Variants in F2RL2 observed in about 807,000 individuals in gnomAD.
F2RL2 encodes proteinase-activated receptor 3.
F2RL2 carries 4 observed loss-of-function variants against 4.3 expected under a neutral mutation model. The ratio of observed to expected loss-of-function variants is 0.93; its 90% CI spans 0.46 to 2.12. The LOEUF is 2.12. F2RL2 is among the 30% of genes most tolerant of loss of function. F2RL2 has a pLI of 0.02. For synonymous variants in F2RL2, 166 were observed against 170.9 expected, an observed-to-expected ratio of 0.97 and a Z score of 0.22; for missense variants, 408 against 449.3, an observed-to-expected ratio of 0.91 and a Z score of 0.83.
chr5:76,620,255 T>G (rs757294587), intron 1 of F2RL2, among the ~76,000 whole-genome samples: 10 of 152,118 alleles, frequency 6.6e-5, no homozygotes, highest in Non-Finnish European at 1.0e-4. Context: ...GGGACCTGAT[T>G]TGGAGGCTAC....
In F2RL2 at chr5:76,617,432, A is replaced by G. The variant is rs1308416175; in HGVS notation, c.*150T>C. 4 of 639,008 alleles carry G rather than the reference A, an allele frequency of 6.3e-6. No individual in the cohort carries two copies. The African/African-American group carries it at 7.3e-5, about 12-fold the overall frequency. 39.6% of individuals were successfully genotyped at this position (639,008 alleles called of 1,614,324 possible). On this transcript the variant is annotated 3_prime_UTR_variant, in exon 2 of 2. Transcript: ENST00000296641. The stretch of plus-strand genomic sequence containing the variant: ...AAGTGAGACTCAGTCTCAAAAACAA[A>G]CAAACAAACTACTAATGCTTTTGTA...
At position 76,618,386 on chromosome 5, in the gene F2RL2, A is replaced by G; in HGVS notation, c.321T>C (p.Val107=). 4 of 1,614,228 alleles carry G rather than the reference A, an allele frequency of 2.5e-6. No individual in the cohort carries two copies. Among genetic ancestry groups the G allele is most frequent in the Non-Finnish European group, 3.4e-6 (4 of 1,180,032 alleles). ...GGGTCACAGCATTGGCCGGGACACC[A>G]ACTACAAACACCAGGAGGTAGATGG... ...IPAIYLLVFV[V]GVPANAVTLW... Residue 107 remains valine (V), a synonymous_variant, in exon 2 of 2, where the codon GTT becomes GTC. Transcript: ENST00000296641.
In F2RL2 at chr5:76,618,505, T is replaced by G; in HGVS notation, c.202A>C (p.Ile68Leu). Residue 68 changes from isoleucine to leucine, a missense_variant, in exon 2 of 2, where the codon ATT (isoleucine) becomes CTT (leucine). By Grantham distance (5) the Ile-to-Leu change is conservative. Transcript: ENST00000296641. ...GAAGCACTTTCTTCAGGGCACTTAATTTTTACAGTAATCGTGGCTCCTGTC... is the reference window on the plus strand; with the variant it reads ...GAAGCACTTTCTTCAGGGCACTTAAGTTTTACAGTAATCGTGGCTCCTGTC... ...GWTGATITVK[I>L]KCPEESASHL... The G allele has an allele frequency of 6.2e-7, 1 of 1,614,180 alleles. No individual in the cohort carries two copies. Among genetic ancestry groups the G allele is most frequent in the Non-Finnish European group, 8.5e-7 (1 of 1,180,018 alleles).
rs1390360948 is a variant in F2RL2 at position 76,618,535 on chromosome 5, C to T, written c.172G>A (p.Gly58Ser). ...FEEFPFSALE[G>S]WTGATITVKI... ...ACAGTAATCGTGGCTCCTGTCCAGC[C>T]TTCCAAGGCAGAAAAGGGGAACTCT... Residue 58 changes from glycine to serine, a missense_variant, in exon 2 of 2, where the codon GGC (glycine) becomes AGC (serine). Coordinates refer to ENST00000296641, the MANE Select transcript of F2RL2 (RefSeq NM_004101.4). 4 of 1,614,040 alleles carry T rather than the reference C, an allele frequency of 2.5e-6. No homozygotes were observed. Among genetic ancestry groups the T allele is most frequent in the East Asian group, 2.2e-5 (1 of 44,890 alleles).
At chr5:76,619,642 C>T (rs992820227) in intron 1 of F2RL2, among the ~76,000 whole-genome samples, 2 of 151,564 alleles carry the variant, frequency 1.3e-5, no homozygotes, top group Admixed American at 6.6e-5. Context: ...TCAGCCTCCC[C>T]AGTAGCTGGG....
chr5:76,620,771 A>G (rs1003432917), intron 1 of F2RL2, among the ~76,000 whole-genome samples: 1 of 152,188 alleles, frequency 6.6e-6, no homozygotes. Context: ...ACAAAGGAGG[A>G]AAAATCGGAA....
At chr5:76,620,215 A>G (rs777756062) in intron 1 of F2RL2, among the ~76,000 whole-genome samples, 4 of 152,316 alleles carry the variant, frequency 2.6e-5, no homozygotes, top group Admixed American at 6.5e-5. Context: ...TGTAGAGAAC[A>G]GATTGGAAAG....
intron 1 of F2RL2, among the ~76,000 whole-genome samples, chr5:76,620,584 A>G (rs1749553483): frequency 6.6e-6 from 1 of 152,174 alleles, no homozygotes; most frequent in Admixed American, 6.5e-5. Context: ...TGGTTAGAAG[A>G]CTGGATGTGG....
chr5:76,622,583 T>G (rs1749808029), intron 1 of F2RL2, among the ~76,000 whole-genome samples: 1 of 152,170 alleles, frequency 6.6e-6, no homozygotes, highest in Non-Finnish European at 1.5e-5. Flanking sequence ...ATGGGTAAAG[T>G]GGAAAGTACA....
rs1208558937 is a variant in F2RL2 at position 76,618,660 on chromosome 5, T to C, written c.65-18A>G. ...TTCCATGCCTGTAATTGAAAGAAAG[T>C]ATTAACATAAATGTATAGTTCAAGA... On this transcript the variant is annotated intron_variant, in intron 1 of 1. Coordinates refer to ENST00000296641, the MANE Select transcript of F2RL2 (RefSeq NM_004101.4). 1 of 1,576,422 alleles carries C rather than the reference T, an allele frequency of 6.3e-7. No homozygotes were observed. The highest frequency in any genetic ancestry group is 8.7e-7 in the Non-Finnish European group (1 of 1,150,216).
At position 76,618,248 on chromosome 5, in the gene F2RL2, A is replaced by T. The variant is rs914148101; in HGVS notation, c.459T>A (p.His153Gln). The T allele has an allele frequency of 2.5e-6, 4 of 1,614,044 alleles. No homozygotes were observed. The highest frequency in any genetic ancestry group is 2.7e-5 in the African/African-American group (2 of 74,920). The change falls in exon 2 of 2, where the codon CAT becomes CAA. Residue 153 changes from histidine (H) to glutamine (Q), a missense_variant. His to Gln is a conservative substitution (Grantham distance 24, BLOSUM62 0). Transcript: ENST00000296641. ...CVTLPFKIAYHLNGNNWVFGE... is the reference protein window; with the variant it reads ...CVTLPFKIAYQLNGNNWVFGE... Reference sequence around the variant, plus strand: ...CAAATACCCAGTTGTTCCCATTGAGATGATAAGCTATCTTAAAGGGCAATG... The same window carrying T: ...CAAATACCCAGTTGTTCCCATTGAGTTGATAAGCTATCTTAAAGGGCAATG...
At chr5:76,619,136 G>C (rs1749333422) in intron 1 of F2RL2, among the ~76,000 whole-genome samples, 1 of 152,160 alleles carries the variant, frequency 6.6e-6, no homozygotes, top group Admixed American at 6.5e-5. Context: ...AGTTGATTTA[G>C]CAAATTTTTA....
At chr5:76,622,651 A>G (rs1235772535) in intron 1 of F2RL2, among the ~76,000 whole-genome samples, 2 of 152,210 alleles carry the variant, frequency 1.3e-5, no homozygotes, top group African/African-American at 2.4e-5. Context: ...AAAATCATAT[A>G]TGAGGGTAGG....
chr5:76,619,880 A>C (rs2069670), intron 1 of F2RL2, among the ~76,000 whole-genome samples: 36 of 152,260 alleles, frequency 2.4e-4, no homozygotes, highest in African/African-American at 8.4e-4. Context: ...TAATCATAAC[A>C]GTCCATATAA....
chr5:76,617,449 G>T lies in F2RL2; in HGVS notation c.*133C>A. On this transcript the variant is annotated 3_prime_UTR_variant, in exon 2 of 2. Transcript: ENST00000296641. The stretch of plus-strand genomic sequence containing the variant: ...AAAAACAAACAAACAAACTACTAAT[G>T]CTTTTGTAATGTTTGACCTTTGAAG... 1.5e-6 allele frequency: 1 copy of T among 672,988 alleles called. No individual in the cohort carries two copies. The allele number at this position is 672,988 out of a possible 1,614,324, so 41.7% of individuals were successfully genotyped here. A position where few individuals can be genotyped will look rare whatever the true frequency, so the allele number is the denominator to read the frequency against.
rs573925844 is a variant in F2RL2, at chr5:76,617,104, T to C, written c.*478A>G. 6.4e-6 allele frequency: 1 copy of C among 155,162 alleles called. No homozygotes were observed. The highest frequency in any genetic ancestry group is 1.9e-4 in the East Asian group (1 of 5,246). The allele number at this position is 155,162 out of a possible 1,614,324, so 9.6% of individuals were successfully genotyped here. Reference sequence around the variant, plus strand: ...TCATTTTCCATAGAGTTGTGATATCTTTTCTCCTGCATTAACATTTTTAAA... The same window carrying C: ...TCATTTTCCATAGAGTTGTGATATCCTTTCTCCTGCATTAACATTTTTAAA... On this transcript the variant is annotated 3_prime_UTR_variant, in exon 2 of 2. Coordinates refer to ENST00000296641, the MANE Select transcript of F2RL2 (RefSeq NM_004101.4).
rs113625367 is a variant in F2RL2 at position 76,617,818 on chromosome 5, A to G, written c.889T>C (p.Leu297=). ...AGGAGACTCGCCTTAACATACCACA[A>G]CCATCTATGATCGTATGCATTAAGT... ...RTLNAYDHRW[L]WYVKASLLIL... is the part of the protein sequence containing the mutation. Residue 297 remains leucine (L), a synonymous_variant, in exon 2 of 2, where the codon TTG becomes CTG. Coordinates refer to ENST00000296641, the MANE Select transcript of F2RL2 (RefSeq NM_004101.4). 33 of 1,613,926 alleles carry G rather than the reference A, an allele frequency of 2.0e-5. No individual in the cohort carries two copies. The highest frequency in any genetic ancestry group is 5.5e-5 in the South Asian group (5 of 91,072).
intron 1 of F2RL2, among the ~76,000 whole-genome samples, chr5:76,621,648 A>G (rs1749684703): frequency 6.6e-6 from 1 of 152,216 alleles, no homozygotes; most frequent in Non-Finnish European, 1.5e-5. Context: ...CAGACATGCC[A>G]AACAGTGCCT....
intron 1 of F2RL2, among the ~76,000 whole-genome samples, chr5:76,620,739 A>C (rs768275694): frequency 2.0e-5 from 3 of 152,190 alleles, no homozygotes; most frequent in Admixed American, 6.5e-5. Context: ...AGGGGTAATG[A>C]CAGATTTTAA....
Sources: allele counts gnomAD v4.1 joint callset (sites outside exome capture counted in the v4.1 genomes callset), GRCh38; gene constraint gnomAD v4.1.1; transcripts MANE v1.5; gene names NCBI Gene and HGNC (gene_info 2026-07-23, HGNC 2026-07-21).